The following FLI1 variants were observed in gnomAD, a reference collection of about 807,000 sequenced individuals.
The protein encoded by FLI1 is Friend leukemia integration 1 transcription factor.
A neutral mutation model predicts 53.1 loss-of-function variants in FLI1; 13 were observed. The observed-to-expected ratio is 0.24, with a 90% CI of 0.16 to 0.39. FLI1 has a LOEUF of 0.39. FLI1 is among the 10% of genes least tolerant of loss of function. The probability of loss-of-function intolerance (pLI) is 1.00; values close to 1 mark genes in which losing one functional copy is unlikely to be tolerated. For missense variants in FLI1, 424 were observed against 600.5 expected (o/e 0.71, Z 3.07); for synonymous variants, 244 against 236.7 (o/e 1.03, Z -0.28).
intron 5 of FLI1, among the ~76,000 whole-genome samples, chr11:128,788,185 G>A (rs555171927): frequency 5.3e-5 from 8 of 152,112 alleles, no homozygotes; most frequent in East Asian, 1.9e-4. Flanking sequence ...AAACTTATTC[G>A]GGGGCCGGGC....
chr11:128,696,798 A>C (rs1757229810), intron 1 of FLI1, among the ~76,000 whole-genome samples: 1 of 152,178 alleles, frequency 6.6e-6, no homozygotes, highest in Non-Finnish European at 1.5e-5. Flanking sequence ...TTCTTCCTCA[A>C]ATATAAGTCA....
At chr11:128,807,090 G>A in intron 6 of FLI1, 90 bp from the exon 7 acceptor site, 1 of 653,468 alleles carries the variant, frequency 1.5e-6, no homozygotes, top group Non-Finnish European at 2.5e-6. Context: ...GTGGGCGAAG[G>A]AATGAGTGAG....
At position 128,741,165 on chromosome 11, in the gene FLI1, G is replaced by A. The variant is rs558293641; in HGVS notation, c.19-16950G>A. Among the ~76,000 whole-genome samples, 11 of 152,216 alleles carry A rather than the reference G, an allele frequency of 7.2e-5. No homozygotes were observed. The East Asian group carries it at 1.5e-3, about 21-fold the overall frequency. On this transcript the variant is annotated intron_variant, in intron 1 of 8. Transcript: ENST00000527786. The stretch of plus-strand genomic sequence containing the variant: ...TCCCAGCACTTTGGGAGGCTGAGGC[G>A]GGCGGATCACTTGAGGTCAGGAGTT...
chr11:128,712,495 T>C (rs907903679), intron 1 of FLI1, among the ~76,000 whole-genome samples: 3 of 152,208 alleles, frequency 2.0e-5, no homozygotes, highest in African/African-American at 7.2e-5. Flanking sequence ...GGTAAAGATA[T>C]ACCCGAGATG....
intron 1 of FLI1, among the ~76,000 whole-genome samples, chr11:128,719,117 C>A (rs1310595813): frequency 6.6e-6 from 1 of 152,084 alleles, no homozygotes; most frequent in Non-Finnish European, 1.5e-5. Context: ...ACTCACTACA[C>A]CCACAGTGGC....
intron 1 of FLI1, chr11:128,748,092 T>G (rs1940481348): frequency 5.6e-6 from 1 of 177,560 alleles, no homozygotes; most frequent in Non-Finnish European, 1.1e-5. Context: ...CAGAAGGCCA[T>G]GGCTCTGGAT....
At chr11:128,698,247 T>C (rs1366492433) in intron 1 of FLI1, among the ~76,000 whole-genome samples, 1 of 152,210 alleles carries the variant, frequency 6.6e-6, no homozygotes. Context: ...AAGGTGTTGC[T>C]GCCTCCCTCT....
chr11:128,711,000 T>C (rs1184629454), intron 1 of FLI1, among the ~76,000 whole-genome samples: 1 of 152,240 alleles, frequency 6.6e-6, no homozygotes, highest in African/African-American at 2.4e-5. Flanking sequence ...AAACTTTCCT[T>C]ATCAGGGCTG....
chr11:128,687,174 GAC>G (rs1385969731), intron 1 of FLI1, among the ~76,000 whole-genome samples: 2 of 152,382 alleles, frequency 1.3e-5, no homozygotes, highest in East Asian at 3.9e-4. Flanking sequence ...CTACAGGTGA[GAC>G]ACGCGCTCAG....
chr11:128,741,164 C>T (rs893265074), intron 1 of FLI1, among the ~76,000 whole-genome samples: 1 of 152,136 alleles, frequency 6.6e-6, no homozygotes, highest in Non-Finnish European at 1.5e-5. Context: ...GAGGCTGAGG[C>T]GGGCGGATCA....
At chr11:128,705,230 T>C (rs1260635279) in intron 1 of FLI1, among the ~76,000 whole-genome samples, 1 of 152,256 alleles carries the variant, frequency 6.6e-6, no homozygotes, top group African/African-American at 2.4e-5. Context: ...GTCAGATTCA[T>C]GAAACTGCTC....
chr11:128,768,341 A>T lies in FLI1; in HGVS notation c.385+69A>T, dbSNP rs765307603. ...CTCTCTGGGGGGGCAGGGAGCATCT[A>T]AACCTTTATCTGATACTCTATTCCC... On this transcript the variant is annotated intron_variant, in intron 3 of 8. Coordinates refer to ENST00000527786, the MANE Select transcript of FLI1 (RefSeq NM_002017.5). The T allele has an allele frequency of 2.4e-5, 38 of 1,580,406 alleles. No individual in the cohort carries two copies. The African/African-American group carries it at 4.7e-4, about 20-fold the overall frequency.
chr11:128,803,826 C>T (rs1479569632), intron 5 of FLI1: 2 of 152,254 alleles, frequency 1.3e-5, no homozygotes, highest in East Asian at 1.9e-4. Context: ...CCATCAGAGC[C>T]TTCCACCTCA....
chr11:128,769,444 GA>G (rs1296424802), intron 3 of FLI1, among the ~76,000 whole-genome samples: 1 of 152,168 alleles, frequency 6.6e-6, no homozygotes, highest in Non-Finnish European at 1.5e-5. Context: ...GAGGTAGTCC[GA>G]AGGCATCTGC....
chr11:128,694,043 T>C (rs1001533802), upstream of FLI1: 1 of 411,178 alleles, frequency 2.4e-6, no homozygotes, highest in Non-Finnish European at 4.4e-6. Context: ...CAAAATTAGC[T>C]GAAAAAAAAG....
intron 2 of FLI1, among the ~76,000 whole-genome samples, chr11:128,764,004 G>A (rs1027501072): frequency 8.5e-5 from 13 of 152,204 alleles, no homozygotes; most frequent in Non-Finnish European, 1.9e-4. Context: ...CACGCCGCGG[G>A]TCCTAATGCA....
chr11:128,705,437 C>G (rs73571670), intron 1 of FLI1, among the ~76,000 whole-genome samples: 7,365 of 152,278 alleles, frequency 0.048, 361 homozygotes, highest in East Asian at 0.27. Context: ...CTCCTCTACC[C>G]TTGTACCTTC....
At chr11:128,736,952 A>G (rs1939937845) in intron 1 of FLI1, among the ~76,000 whole-genome samples, 1 of 152,148 alleles carries the variant, frequency 6.6e-6, no homozygotes, top group African/African-American at 2.4e-5. Context: ...TTCCCAAAGG[A>G]GGCACATTCT....
chr11:128,784,817 C>T (rs979511546), intron 5 of FLI1, among the ~76,000 whole-genome samples: 2 of 152,168 alleles, frequency 1.3e-5, no homozygotes, highest in Non-Finnish European at 2.9e-5. Flanking sequence ...AAGACACACA[C>T]AGCCCCAAAC....
Sources: allele counts gnomAD v4.1 joint callset (sites outside exome capture counted in the v4.1 genomes callset), GRCh38; gene constraint gnomAD v4.1.1; transcripts MANE v1.5; gene names NCBI Gene and HGNC (gene_info 2026-07-23, HGNC 2026-07-21).